Variants in NDUFB11 observed in about 807,000 individuals in gnomAD.
NDUFB11 encodes NADH dehydrogenase [ubiquinone] 1 beta subcomplex subunit 11, mitochondrial.
For missense variants in NDUFB11, 108 were observed against 133.8 expected (o/e 0.81, Z 0.95); for synonymous variants, 51 against 57.4 (o/e 0.89, Z 0.51).
rs782327477 is a variant in NDUFB11, at chrX:47,142,371, G to C, written c.408C>G (p.Ile136Met). Residue 136 changes from isoleucine to methionine, a missense_variant, in exon 3 of 3, where the codon ATC becomes ATG. Coordinates refer to ENST00000377811, the MANE Select transcript of NDUFB11 (RefSeq NM_001135998.3). ...TGGGGTCGAAGCAGTTGGATTCCAT[G>C]ATGGGAAGGCCATTGGCCTCTCGGT... ...VKYREANGLP[I>M]MESNCFDPSK... 41 of 1,211,613 alleles carry C rather than the reference G, an allele frequency of 3.4e-5. No individual in the cohort carries two copies. The highest frequency in any genetic ancestry group is 3.8e-5 in the Non-Finnish European group (34 of 895,440).
Position 47,144,459 on chromosome X carries a change from CCCCCG to C in NDUFB11, c.207+9_207+13del, listed in dbSNP as rs1602473528. Reference sequence around the variant, plus strand: ...TCCGTCCCCACTACCCCCCCCCCCCCCCCCGCCTCTCACCTTCTCATACAAGTTTT... The same window carrying C: ...TCCGTCCCCACTACCCCCCCCCCCCCCCTCTCACCTTCTCATACAAGTTTT... On this transcript the variant is annotated intron_variant, in intron 1 of 2. Transcript: ENST00000377811. The C allele has an allele frequency of 1.8e-5, 6 of 342,492 alleles. No individual in the cohort carries two copies. Among genetic ancestry groups the C allele is most frequent in the South Asian group, 1.4e-4 (1 of 6,988 alleles). 28.2% of individuals were successfully genotyped at this position (342,492 alleles called of 1,213,427 possible). A position where few individuals can be genotyped will look rare whatever the true frequency, so the allele number is the denominator to read the frequency against.
Position 47,142,406 on chromosome X carries a change from G to T in NDUFB11, c.373C>A (p.Leu125Ile), listed in dbSNP as rs1556760609. 8.3e-7 allele frequency: 1 copy of T among 1,211,903 alleles called. No homozygotes were observed. The highest frequency in any genetic ancestry group is 1.1e-6 in the Non-Finnish European group (1 of 895,553). Reference sequence around the variant, plus strand: ...CCATTGGCCTCTCGGTATTTCACAAGCCTCTCAGCTTCGCGGCGGGACCAC... The same window carrying T: ...CCATTGGCCTCTCGGTATTTCACAATCCTCTCAGCTTCGCGGCGGGACCAC... The part of the protein sequence containing the change: ...KEWSRREAER[L>I]VKYREANGLP... Residue 125 changes from leucine (L) to isoleucine (I), a missense_variant, in exon 3 of 3, where the codon CTT becomes ATT. Transcript: ENST00000377811.
Position 47,144,646 on chromosome X carries a change from G to T in NDUFB11, c.34C>A (p.Arg12Ser), listed in dbSNP as rs1931961389. 1.7e-6 allele frequency: 2 copies of T among 1,176,028 alleles called. No homozygotes were observed. The highest frequency in any genetic ancestry group is 3.6e-5 in the African/African-American group (2 of 55,964). Residue 12 changes from arginine (R) to serine (S), a missense_variant, in exon 1 of 3, where the codon CGT (arginine) becomes AGT (serine). Transcript: ENST00000377811. Reference sequence around the variant, plus strand: ...CGCGTCGCCGCTGCCGCCAAAAGACGGCGAGCGCTCAAACCAAACAGCCCA... The same window carrying T: ...CGCGTCGCCGCTGCCGCCAAAAGACTGCGAGCGCTCAAACCAAACAGCCCA... ...AAGLFGLSAR[R>S]LLAAAATRGL...
Position 47,144,493 on chromosome X carries a change from C to T in NDUFB11, c.187G>A (p.Asp63Asn), listed in dbSNP as rs1931938873. The change falls in exon 1 of 3, where the codon GAC becomes AAC. Residue 63 changes from aspartate (D) to asparagine (N), a missense_variant. Asp to Asn is a conservative substitution (Grantham distance 23). Transcript: ENST00000377811. ...CTCACCTTCTCATACAAGTTTTCGT[C>T]CTCGGGTTCTGGGTCCTCTTGCCAC... ...TPWQEDPEPE[D>N]ENLYEKNPDS... 2.7e-6 allele frequency: 2 copies of T among 753,968 alleles called. No homozygotes were observed. Among genetic ancestry groups the T allele is most frequent in the Non-Finnish European group, 3.3e-6 (2 of 600,466 alleles). 62.1% of individuals were successfully genotyped at this position (753,968 alleles called of 1,213,427 possible).
At position 47,142,743 on chromosome X, in the gene NDUFB11, T is replaced by A; in HGVS notation, c.209A>T (p.Asn70Ile). Residue 70 changes from asparagine (N) to isoleucine (I), a missense_variant and splice_region_variant, in exon 2 of 3, where the codon AAC becomes ATC. Asn to Ile is a moderately radical substitution (Grantham distance 149). Coordinates refer to ENST00000377811, the MANE Select transcript of NDUFB11 (RefSeq NM_001135998.3). ...CTTGTCATAACCATGGGAGTCTGGG[T>A]TCTGTGGAGAAATAGAGGTCAATGA... ...EPEDENLYEK[N>I]PDSHGYDKDP... The A allele has an allele frequency of 8.3e-7, 1 of 1,208,333 alleles. No homozygotes were observed. The highest frequency in any genetic ancestry group is 1.8e-5 in the South Asian group (1 of 56,308).
intron 2 of NDUFB11, 37 bp from the exon 3 acceptor site, chrX:47,142,477 C>G (rs927177278): frequency 2.5e-5 from 30 of 1,206,444 alleles, no homozygotes; most frequent in Non-Finnish European, 3.2e-5. Flanking sequence ...CGTGAGGGAG[C>G]CTCAACTGAT....
chrX:47,142,503 C>T, intron 2 of NDUFB11, 63 bp from the exon 3 acceptor site: 1 of 1,204,540 alleles, frequency 8.3e-7, no homozygotes, highest in African/African-American at 1.7e-5. Context: ...TCCCTCATCT[C>T]AGCTCCCCAT....
rs782778183 is a variant in NDUFB11, at chrX:47,144,701, T to G, written c.-22A>C. The G allele has an allele frequency of 8.9e-7, 1 of 1,120,670 alleles. No individual in the cohort carries two copies. Among genetic ancestry groups the G allele is most frequent in the Non-Finnish European group, 1.2e-6 (1 of 847,175 alleles). The allele number at this position is 1,120,670 out of a possible 1,213,427, so 92.4% of individuals were successfully genotyped here. On this transcript the variant is annotated 5_prime_UTR_variant, in exon 1 of 3. Coordinates refer to ENST00000377811, the MANE Select transcript of NDUFB11 (RefSeq NM_001135998.3). ...CCATGACAGATGGTGCTGCAGGGTCTCAGGGGCGGGGAAAGAAATGCGACT... is the reference window on the plus strand; with the variant it reads ...CCATGACAGATGGTGCTGCAGGGTCGCAGGGGCGGGGAAAGAAATGCGACT...
upstream of NDUFB11, chrX:47,145,320 T>C (rs1451571314): frequency 1.4e-5 from 11 of 767,228 alleles, no homozygotes; most frequent in East Asian, 2.8e-4. Context: ...TGAGTTTCCC[T>C]GGGAGGGCAG....
In NDUFB11 at chrX:47,142,454, T is replaced by C. The variant is rs1556760623; in HGVS notation, c.339-14A>G. 5 of 1,211,130 alleles carry C rather than the reference T, an allele frequency of 4.1e-6. No homozygotes were observed. The highest frequency in any genetic ancestry group is 3.5e-5 in the South Asian group (2 of 56,919). On this transcript the variant is annotated splice_polypyrimidine_tract_variant and intron_variant, in intron 2 of 2. Coordinates refer to ENST00000377811, the MANE Select transcript of NDUFB11 (RefSeq NM_001135998.3). Reference sequence around the variant, plus strand: ...CACTCTTTCATCCTGGTAGTGCAAATAGCAGGGGTAGACGTGAGGGAGCCT... The same window carrying C: ...CACTCTTTCATCCTGGTAGTGCAAACAGCAGGGGTAGACGTGAGGGAGCCT...
Position 47,144,461 on chromosome X carries a change from CCCG to C in NDUFB11, c.207+9_207+11del. On this transcript the variant is annotated intron_variant, in intron 1 of 2. Transcript: ENST00000377811. The stretch of plus-strand genomic sequence containing the variant: ...CGTCCCCACTACCCCCCCCCCCCCC[CCCG>C]CCTCTCACCTTCTCATACAAGTTTT... 2 of 427,955 alleles carry C rather than the reference CCCG, an allele frequency of 4.7e-6. No individual in the cohort carries two copies. The highest frequency in any genetic ancestry group is 1.1e-4 in the South Asian group (1 of 8,932). 35.3% of individuals were successfully genotyped at this position (427,955 alleles called of 1,213,427 possible).
At position 47,144,529 on chromosome X, in the gene NDUFB11, G is replaced by A. The variant is rs782174821; in HGVS notation, c.151C>T (p.Pro51Ser). ...SAVAGKRPPE[P>S]TTPWQEDPEP... ...GGGTCCTCTTGCCACGGTGTGGTCG[G>A]TTCTGGGGGCCGCTTTCCCGCCACA... The change falls in exon 1 of 3, where the codon CCG (proline) becomes TCG (serine). Residue 51 changes from proline to serine, a missense_variant. Pro to Ser is a moderately conservative substitution (Grantham distance 74). Transcript: ENST00000377811. The A allele has an allele frequency of 2.6e-6, 3 of 1,175,636 alleles. No homozygotes were observed. Among genetic ancestry groups the A allele is most frequent in the Non-Finnish European group, 3.4e-6 (3 of 878,146 alleles).
upstream of NDUFB11, chrX:47,145,219 TTAG>T: frequency 2.3e-6 from 1 of 444,276 alleles, no homozygotes; most frequent in East Asian, 3.8e-5. Context: ...GCGCGCTTCC[TTAG>T]TAGGTGGATG....
intron 1 of NDUFB11, among the ~76,000 whole-genome samples, chrX:47,144,266 A>T (rs781988545): frequency 3.5e-4 from 38 of 109,760 alleles, no homozygotes; most frequent in Admixed American, 3.0e-3. Context: ...AAATAAAACC[A>T]ATCCTGCCTC....
chrX:47,144,806 G>T, upstream of NDUFB11: 2 of 664,164 alleles, frequency 3.0e-6, no homozygotes, highest in Non-Finnish European at 4.2e-6. Flanking sequence ...ATCTGATTTG[G>T]TTTTCCAATG....
At chrX:47,144,913 C>T, upstream of NDUFB11, 1 of 358,923 alleles carries the variant, frequency 2.8e-6, no homozygotes, top group Non-Finnish European at 4.9e-6. Flanking sequence ...ATTGATGGGT[C>T]TGCTCATTTC....
chrX:47,145,129 G>T, upstream of NDUFB11: 1 of 376,733 alleles, frequency 2.7e-6, no homozygotes, highest in Admixed American at 4.4e-5. Context: ...GGGGTGTGGG[G>T]AGGTGGCCAG....
At chrX:47,143,679 G>T (rs1931853478) in intron 1 of NDUFB11, among the ~76,000 whole-genome samples, 1 of 111,932 alleles carries the variant, frequency 8.9e-6, no homozygotes, top group Admixed American at 9.5e-5. Context: ...TTTAGAAGGT[G>T]TCCTATTACT....
chrX:47,144,445 T>TGCCCCCCCCCCCCCCC, intron 1 of NDUFB11, 28 bp downstream of exon 1: 3 of 61,005 alleles, frequency 4.9e-5, no homozygotes, highest in Non-Finnish European at 7.9e-5. Context: ...CCGTCCCCAC[T>TGCCCCCCCCCCCCCCC]ACCCCCCCCC....
Sources: allele counts gnomAD v4.1 joint callset (sites outside exome capture counted in the v4.1 genomes callset), GRCh38; gene constraint gnomAD v4.1.1; transcripts MANE v1.5; gene names NCBI Gene and HGNC (gene_info 2026-07-23, HGNC 2026-07-21).